Variants in ZFP90 observed in about 807,000 individuals in gnomAD.
ZFP90 encodes zinc finger protein 90 homolog.
A neutral mutation model predicts 60.8 loss-of-function variants in ZFP90; 38 were observed. The ratio of observed to expected loss-of-function variants is 0.62; its 90% CI spans 0.48 to 0.82. The LOEUF (loss-of-function observed/expected upper bound fraction) is 0.82, where lower values mean the gene tolerates loss of function less well. Ranked by LOEUF, ZFP90 falls within the 40% of genes least tolerant of loss-of-function variation. The pLI is 0.00. For synonymous variants in ZFP90, 287 were observed against 264.8 expected, an observed-to-expected ratio of 1.08 and a Z score of -0.82; for missense variants, 711 against 759.1, an observed-to-expected ratio of 0.94 and a Z score of 0.74.
At chr16:68,541,125 TC>T (rs1381667243) in intron 2 of ZFP90, among the ~76,000 whole-genome samples, 1 of 151,922 alleles carries the variant, frequency 6.6e-6, no homozygotes, top group Non-Finnish European at 1.5e-5. Flanking sequence ...AACCTCCACC[TC>T]CTGGGTTCAA....
At chr16:68,548,779 T>C (rs2091202042) in intron 2 of ZFP90, among the ~76,000 whole-genome samples, 2 of 152,202 alleles carry the variant, frequency 1.3e-5, no homozygotes, top group Non-Finnish European at 2.9e-5. Flanking sequence ...CATGAGCCAC[T>C]GTGCCCAGCC....
chr16:68,556,572 G>C (rs142355685), intron 2 of ZFP90, among the ~76,000 whole-genome samples: 1 of 152,196 alleles, frequency 6.6e-6, no homozygotes, highest in Non-Finnish European at 1.5e-5. Context: ...TAGGTGCCGG[G>C]CGTTGTTCTG....
chr16:68,535,311 A>G (rs2090952268), upstream of ZFP90, among the ~76,000 whole-genome samples: 2 of 152,338 alleles, frequency 1.3e-5, no homozygotes, highest in East Asian at 3.9e-4. Context: ...CGGGAAAGAT[A>G]TCCACCAACG....
Position 68,564,780 on chromosome 16 carries a change from G to A in ZFP90, c.*82G>A. The A allele has an allele frequency of 1.3e-6, 2 of 1,488,414 alleles. No homozygotes were observed. The highest frequency in any genetic ancestry group is 1.8e-6 in the Non-Finnish European group (2 of 1,125,072). The allele number at this position is 1,488,414 out of a possible 1,614,324, so 92.2% of individuals were successfully genotyped here. A position where few individuals can be genotyped will look rare whatever the true frequency, so the allele number is the denominator to read the frequency against. On this transcript the variant is annotated 3_prime_UTR_variant, in exon 5 of 5. Transcript: ENST00000563169. ...ATCAGAGGATTCTTAGAGAGCTTGG[G>A]AATGTAATGAATTACGTGTGTGTTT...
At chr16:68,537,622 G>A (rs891286680), upstream of ZFP90, among the ~76,000 whole-genome samples, 1 of 152,156 alleles carries the variant, frequency 6.6e-6, no homozygotes, top group Non-Finnish European at 1.5e-5. Flanking sequence ...TCGGAGTGCT[G>A]TGGTGAAATC....
chr16:68,567,147 C>A, downstream of ZFP90: 3 of 985,486 alleles, frequency 3.0e-6, no homozygotes, highest in Non-Finnish European at 3.6e-6. Context: ...GTCAGTTTGT[C>A]GTTTTCAATT....
In ZFP90 at chr16:68,564,312, A is replaced by C. The variant is rs2091487742; in HGVS notation, c.1525A>C (p.Ser509Arg). 1 of 1,613,954 alleles carries C rather than the reference A, an allele frequency of 6.2e-7. No individual in the cohort carries two copies. Among genetic ancestry groups the C allele is most frequent in the Admixed American group, 1.7e-5 (1 of 59,978 alleles). The change falls in exon 5 of 5, where the codon AGT becomes CGT. Residue 509 changes from serine to arginine, a missense_variant. Physicochemically the swap from Ser to Arg is moderately radical, Grantham distance 110. Around this residue, in one of 5 missense-constraint regions of ZFP90, gnomAD observed 295 missense variants for 274.0 expected, o/e 1.08. Transcript: ENST00000563169. ...CNVCGKAFKR[S>R]TSFIEHHRIH... ...TGTATGTGGGAAAGCTTTCAAAAGG[A>C]GTACAAGTTTCATAGAGCATCACAG...
downstream of ZFP90, among the ~76,000 whole-genome samples, chr16:68,569,768 C>T (rs141113872): frequency 5.3e-5 from 8 of 152,192 alleles, no homozygotes; most frequent in African/African-American, 7.2e-5. Context: ...AGTCTCATAA[C>T]GTGGTCTCAA....
Position 68,566,311 on chromosome 16 carries a change from T to G in ZFP90, c.*1613T>G. 4.1e-6 allele frequency: 4 copies of G among 985,528 alleles called. No individual in the cohort carries two copies. Among genetic ancestry groups the G allele is most frequent in the Non-Finnish European group, 4.8e-6 (4 of 829,926 alleles). The allele number at this position is 985,528 out of a possible 1,614,324, so 61.0% of individuals were successfully genotyped here. On this transcript the variant is annotated 3_prime_UTR_variant, in exon 5 of 5. Coordinates refer to ENST00000563169, the MANE Select transcript of ZFP90 (RefSeq NM_001305203.2). ...TTGGGCACAACTGGACATTGATTCC[T>G]TTTACACAAGAGCTGCCTCCCAAAG...
At chr16:68,543,808 C>G (rs950268453) in intron 2 of ZFP90, among the ~76,000 whole-genome samples, 4 of 151,102 alleles carry the variant, frequency 2.6e-5, no homozygotes, top group African/African-American at 4.9e-5. Flanking sequence ...ATCTGCCTGT[C>G]TCAGCCTCCC....
chr16:68,535,917 G>A (rs549101874), upstream of ZFP90, among the ~76,000 whole-genome samples: 12 of 152,216 alleles, frequency 7.9e-5, no homozygotes, highest in Admixed American at 4.6e-4. Flanking sequence ...TTCCTTAAAG[G>A]AAACCAATAG....
chr16:68,555,197 C>G (rs745848110), intron 2 of ZFP90: 1 of 152,220 alleles, frequency 6.6e-6, no homozygotes, highest in Non-Finnish European at 1.5e-5. Flanking sequence ...ATATTGTGCT[C>G]TAATAAATAA....
Position 68,554,129 on chromosome 16 carries a change from T to G in ZFP90, c.34-3869T>G, listed in dbSNP as rs2091304107. Among the ~76,000 whole-genome samples the G allele has an allele frequency of 2.0e-5, 3 of 150,864 alleles. No individual in the cohort carries two copies. In the South Asian group the frequency reaches 6.3e-4, roughly 31 times the overall value. On this transcript the variant is annotated intron_variant, in intron 2 of 4. Coordinates refer to ENST00000563169, the MANE Select transcript of ZFP90 (RefSeq NM_001305203.2). ...TTATGGGTTGTGTTTTGTTTTGTTT[T>G]TTTTTTTTTTGAGATGGAGTCTCGC...
intron 4 of ZFP90, chr16:68,562,714 G>A: frequency 2.2e-6 from 1 of 445,166 alleles, no homozygotes; most frequent in Middle Eastern, 6.0e-4. Flanking sequence ...AGGAGGCATG[G>A]AGAGCATATA....
At chr16:68,569,551 C>T (rs893928155), downstream of ZFP90, among the ~76,000 whole-genome samples, 3 of 152,164 alleles carry the variant, frequency 2.0e-5, no homozygotes, top group Admixed American at 6.5e-5. Flanking sequence ...TGCAGCACTT[C>T]GCCCAGTCCT....
chr16:68,557,125 C>T lies in ZFP90; in HGVS notation c.34-873C>T, dbSNP rs562497855. 11 of 450,276 alleles carry T rather than the reference C, an allele frequency of 2.4e-5. No individual in the cohort carries two copies. The East Asian group carries it at 7.7e-4, about 31-fold the overall frequency. The allele number at this position is 450,276 out of a possible 1,614,324, so 27.9% of individuals were successfully genotyped here. A position where few individuals can be genotyped will look rare whatever the true frequency, so the allele number is the denominator to read the frequency against. On this transcript the variant is annotated intron_variant, in intron 2 of 4. Coordinates refer to ENST00000563169, the MANE Select transcript of ZFP90 (RefSeq NM_001305203.2). ...AGCTCAGCCTCCTGAGTAGCTGGGA[C>T]TGTAGGCACACACCACCATGCCAGG...
downstream of ZFP90, among the ~76,000 whole-genome samples, chr16:68,568,252 T>A (rs543130223): frequency 6.6e-6 from 1 of 152,220 alleles, no homozygotes; most frequent in Non-Finnish European, 1.5e-5. Flanking sequence ...TATAGTGATA[T>A]AGTGTTTTAA....
chr16:68,534,281 G>A (rs1189413987), intron 2 of ZFP90, among the ~76,000 whole-genome samples: 2 of 146,184 alleles, frequency 1.4e-5, no homozygotes, highest in African/African-American at 5.1e-5. Flanking sequence ...CAGGCTGGAG[G>A]GCAATGGCGT....
Position 68,563,065 on chromosome 16 carries a change from T to C in ZFP90, c.278T>C (p.Val93Ala). Residue 93 changes from valine (V) to alanine (A), a missense_variant, in exon 5 of 5, where the codon GTC (valine) becomes GCC (alanine). By Grantham distance (64) the Val-to-Ala change is moderately conservative. This residue lies in a region of ZFP90 where 241 missense variants were observed against 247.6 expected (regional missense o/e 0.97). Transcript: ENST00000563169. ...FYPDWKTRPE[V>A]KSSHLQQDVS... ...TCAGACTGGAAGACCAGGCCTGAAG[T>C]CAAATCATCACATTTGCAGCAGGAT... The C allele has an allele frequency of 6.2e-7, 1 of 1,614,126 alleles. No individual in the cohort carries two copies. The highest frequency in any genetic ancestry group is 8.5e-7 in the Non-Finnish European group (1 of 1,180,014).
Sources: allele counts gnomAD v4.1 joint callset (sites outside exome capture counted in the v4.1 genomes callset), GRCh38; gene constraint gnomAD v4.1.1; regional missense constraint gnomAD v4.1.1; transcripts MANE v1.5; gene names NCBI Gene and HGNC (gene_info 2026-07-23, HGNC 2026-07-21).